The following DPP10 variants were observed in gnomAD, a reference collection of about 807,000 sequenced individuals.
DPP10 encodes inactive dipeptidyl peptidase 10.
In DPP10, 33 loss-of-function variants were observed where a neutral mutation model predicts 120.9. That is an observed-to-expected ratio of 0.27 (90% CI 0.21 to 0.37). DPP10 has a LOEUF of 0.37. Among genes scored for constraint, DPP10 ranks in the 10% least tolerant of loss-of-function variants. DPP10 has a pLI of 1.00. For missense variants in DPP10, 816 were observed against 942.8 expected (o/e 0.87, Z 1.76); for synonymous variants, 337 against 326.1 (o/e 1.03, Z -0.36).
At chr2:115,747,340 CA>C (rs1678107791) in intron 10 of DPP10, among the ~76,000 whole-genome samples, 1 of 152,052 alleles carries the variant, frequency 6.6e-6, no homozygotes, top group African/African-American at 2.4e-5. Flanking sequence ...TACAGTTGAC[CA>C]AATCAAATAG....
Position 114,887,921 on chromosome 2 carries a change from C to T in DPP10, c.61-421318C>T, listed in dbSNP as rs890561692. 3.3e-5 allele frequency among the ~76,000 whole-genome samples: 5 copies of T among 152,018 alleles called. No homozygotes were observed. In the East Asian group the frequency reaches 5.8e-4, roughly 18 times the overall value. ...TTGGGAGGCTGAGGCGGGTGGATCA[C>T]GAGGTCAGGAGATCGAGACCATCCT... On this transcript the variant is annotated intron_variant, in intron 1 of 25. Transcript: ENST00000410059.
At chr2:115,817,468 G>C (rs17045077) in intron 21 of DPP10, among the ~76,000 whole-genome samples, 1,965 of 152,188 alleles carry the variant, frequency 0.013, 46 homozygotes, top group African/African-American at 0.042. Flanking sequence ...AACCACTTAA[G>C]AAATGAGTAA....
intron 1 of DPP10, among the ~76,000 whole-genome samples, chr2:114,460,113 ATAGAG>A: frequency 6.6e-6 from 1 of 152,206 alleles, no homozygotes. Context: ...ATGAAAATAA[ATAGAG>A]TACTTTACTT....
intron 3 of DPP10, among the ~76,000 whole-genome samples, chr2:115,382,012 C>T (rs1472917193): frequency 6.6e-6 from 1 of 152,184 alleles, no homozygotes; most frequent in Non-Finnish European, 1.5e-5. Context: ...TTTTGTTTGT[C>T]TGTGCCCTGC....
chr2:115,142,600 C>A (rs1362123575), intron 1 of DPP10, among the ~76,000 whole-genome samples: 1 of 152,152 alleles, frequency 6.6e-6, no homozygotes, highest in African/African-American at 2.4e-5. Flanking sequence ...TGTGGCAGGG[C>A]CCACAAGCTC....
intron 8 of DPP10, among the ~76,000 whole-genome samples, chr2:115,737,242 A>G (rs757672496): frequency 1.3e-5 from 2 of 152,200 alleles, no homozygotes; most frequent in Non-Finnish European, 2.9e-5. Context: ...CAGAGAAGGC[A>G]ATACAATGGG....
At chr2:114,559,011 T>A (rs891426248) in intron 1 of DPP10, among the ~76,000 whole-genome samples, 1 of 152,154 alleles carries the variant, frequency 6.6e-6, no homozygotes, top group Non-Finnish European at 1.5e-5. Context: ...TCCAAATACA[T>A]CTCCATGTCG....
intron 1 of DPP10, among the ~76,000 whole-genome samples, chr2:115,013,480 A>G (rs1702406325): frequency 6.6e-6 from 1 of 151,578 alleles, no homozygotes; most frequent in Non-Finnish European, 1.5e-5. Context: ...TCTTGGGGTT[A>G]CTCTTCTCAA....
chr2:115,697,374 A>G (rs2091648507), intron 7 of DPP10, among the ~76,000 whole-genome samples: 1 of 148,934 alleles, frequency 6.7e-6, no homozygotes, highest in South Asian at 2.1e-4. Context: ...AGCTGAAAAT[A>G]AAAGAATGGA....
chr2:115,047,144 T>C (rs1705129156), intron 1 of DPP10, among the ~76,000 whole-genome samples: 1 of 152,050 alleles, frequency 6.6e-6, no homozygotes, highest in Admixed American at 6.6e-5. Context: ...ACAATTAAGA[T>C]AATACTTGAT....
chr2:115,504,389 G>A (rs1056580031), intron 4 of DPP10, among the ~76,000 whole-genome samples: 5 of 150,224 alleles, frequency 3.3e-5, no homozygotes, highest in Middle Eastern at 3.5e-3. Flanking sequence ...GGTGCATTGT[G>A]CTTATGAATA....
chr2:115,372,684 C>T (rs2065495876), intron 3 of DPP10, among the ~76,000 whole-genome samples: 1 of 152,138 alleles, frequency 6.6e-6, no homozygotes, highest in Non-Finnish European at 1.5e-5. Flanking sequence ...GATCAGAGAC[C>T]AGATTGCTGA....
At chr2:114,965,136 T>C (rs1382529181) in intron 1 of DPP10, among the ~76,000 whole-genome samples, 2 of 151,990 alleles carry the variant, frequency 1.3e-5, no homozygotes, top group African/African-American at 4.8e-5. Flanking sequence ...ACTTTCTTTC[T>C]TTCTTTCTTT....
Position 115,711,915 on chromosome 2 carries a change from G to GTTTTTTTTTTTT in DPP10, c.577-15901_577-15900insTTTTTTTTTTTT, listed in dbSNP as rs1491280011. Among the ~76,000 whole-genome samples, 9 of 96,986 alleles carry GTTTTTTTTTTTT rather than the reference G, an allele frequency of 9.3e-5. 3 individuals carry two copies. The highest frequency in any genetic ancestry group is 2.4e-4 in the Admixed American group (2 of 8,410). The allele number at this position is 96,986 out of a possible 152,430, so 63.6% of individuals were successfully genotyped here. A position where few individuals can be genotyped will look rare whatever the true frequency, so the allele number is the denominator to read the frequency against. On this transcript the variant is annotated intron_variant, in intron 7 of 25. Coordinates refer to ENST00000410059, the MANE Select transcript of DPP10 (RefSeq NM_020868.6). ...GAATATTGGACCTATAAAATGGTCT[G>GTTTTTTTTTTTT]GTTTTTTTTTTTTTTTTTTTTTTGG...
chr2:115,773,021 A>G (rs567776521), intron 13 of DPP10, among the ~76,000 whole-genome samples: 1 of 152,250 alleles, frequency 6.6e-6, no homozygotes, highest in Admixed American at 6.5e-5. Context: ...ATTATTCACT[A>G]CAAATACTGT....
intron 1 of DPP10, among the ~76,000 whole-genome samples, chr2:114,469,120 G>A (rs1015003419): frequency 5.4e-5 from 6 of 111,210 alleles, no homozygotes; most frequent in Admixed American, 5.0e-4. Flanking sequence ...CATAGATTCT[G>A]ATTTCACTTG....
intron 8 of DPP10, among the ~76,000 whole-genome samples, chr2:115,735,684 ATTTTTTT>A (rs70941095): frequency 1.6e-5 from 1 of 62,462 alleles, no homozygotes; most frequent in African/African-American, 7.2e-5. Context: ...CGCCCAGCTA[ATTTTTTT>A]TTTTTTTTTT....
At chr2:114,622,356 T>C (rs2105335545) in intron 1 of DPP10, among the ~76,000 whole-genome samples, 1 of 152,138 alleles carries the variant, frequency 6.6e-6, no homozygotes, top group Admixed American at 6.6e-5. Flanking sequence ...TTAGGCCCTG[T>C]CCAACTTATC....
intron 5 of DPP10, among the ~76,000 whole-genome samples, chr2:115,623,335 G>GT (rs1215889749): frequency 1.3e-5 from 2 of 152,164 alleles, no homozygotes; most frequent in Non-Finnish European, 2.9e-5. Context: ...AGTGATTGGC[G>GT]TATGTCAGGA....
Sources: gnomAD v4.1 joint callset for allele counts (sites outside exome capture counted in the v4.1 genomes callset) on GRCh38, gnomAD v4.1.1 for gene constraint, MANE v1.5 for transcripts, NCBI Gene and HGNC (gene_info 2026-07-23, HGNC 2026-07-21) for gene names.